Variants in PRDM5 observed in about 807,000 individuals in gnomAD.
The protein encoded by PRDM5 is PR domain zinc finger protein 5.
Under a neutral mutation model 81.2 loss-of-function variants are expected in PRDM5, and 56 were observed. The ratio of observed to expected loss-of-function variants is 0.69; its 90% CI spans 0.56 to 0.86. The LOEUF is 0.86. Ranked by LOEUF, PRDM5 falls within the 40% of genes least tolerant of loss-of-function variation. PRDM5 has a pLI of 0.00. For missense variants in PRDM5, 697 were observed against 770.1 expected (o/e 0.91, Z 1.12); for synonymous variants, 267 against 256.4 (o/e 1.04, Z -0.39).
intron 2 of PRDM5, among the ~76,000 whole-genome samples, chr4:120,893,702 A>G (rs72680476): frequency 0.074 from 11,316 of 152,204 alleles, 548 homozygotes; most frequent in Middle Eastern, 0.19. Context: ...TACCATTAGG[A>G]TTATTCATTC....
chr4:120,771,147 C>T (rs914306261), intron 13 of PRDM5, among the ~76,000 whole-genome samples: 2 of 151,790 alleles, frequency 1.3e-5, no homozygotes, highest in African/African-American at 4.8e-5. Flanking sequence ...GGATCTTTTC[C>T]AATTTTTTGC....
intron 1 of PRDM5, among the ~76,000 whole-genome samples, chr4:120,913,661 C>G (rs906842830): frequency 6.6e-6 from 1 of 152,210 alleles, no homozygotes; most frequent in Non-Finnish European, 1.5e-5. Context: ...ACAACTACTA[C>G]TAGCATCTGT....
chr4:120,794,874 C>T (rs1443942290), intron 10 of PRDM5, among the ~76,000 whole-genome samples: 1 of 152,146 alleles, frequency 6.6e-6, no homozygotes, highest in Admixed American at 6.5e-5. Flanking sequence ...GATCCACCCA[C>T]CTCATCCTCC....
At chr4:120,886,627 C>G (rs886645900) in intron 2 of PRDM5, among the ~76,000 whole-genome samples, 1 of 151,880 alleles carries the variant, frequency 6.6e-6, no homozygotes, top group Admixed American at 6.6e-5. Flanking sequence ...TTTTTAAGAA[C>G]GCCAATGGTA....
chr4:120,781,299 C>G lies in PRDM5; in HGVS notation c.1287G>C (p.Glu429Asp). The G allele has an allele frequency of 1.2e-6, 2 of 1,612,540 alleles. No individual in the cohort carries two copies. The highest frequency in any genetic ancestry group is 1.7e-6 in the Non-Finnish European group (2 of 1,178,954). The change falls in exon 12 of 16, where the codon GAG becomes GAC. Residue 429 changes from glutamate to aspartate, a missense_variant. This residue lies in a region of PRDM5 where 577 missense variants were observed against 606.7 expected (regional missense o/e 0.95). Transcript: ENST00000264808. The part of the protein sequence containing the change: ...LQRHLLIHNS[E>D]RTFKCHHCDA... ...CGCAGTGATGGCACTTGAAAGTCCT[C>G]TCACCTTAGAAACAAAGAGAAACAT...
intron 2 of PRDM5, among the ~76,000 whole-genome samples, chr4:120,878,590 T>C (rs770307079): frequency 6.6e-6 from 1 of 152,144 alleles, no homozygotes; most frequent in Admixed American, 6.5e-5. Context: ...AATTAAAAAT[T>C]TGTGCTCTGT....
At chr4:120,914,940 G>C (rs1723941781) in intron 1 of PRDM5, among the ~76,000 whole-genome samples, 1 of 152,056 alleles carries the variant, frequency 6.6e-6, no homozygotes, top group Admixed American at 6.6e-5. Context: ...CTTACAAATG[G>C]GAGCTAAGCT....
intron 8 of PRDM5, among the ~76,000 whole-genome samples, chr4:120,803,397 A>G (rs1395918664): frequency 6.6e-6 from 1 of 152,178 alleles, no homozygotes; most frequent in Non-Finnish European, 1.5e-5. Flanking sequence ...TCCAAGACAC[A>G]TAATCGTAAG....
At chr4:120,807,379 A>G (rs1258341042) in intron 8 of PRDM5, among the ~76,000 whole-genome samples, 1 of 152,268 alleles carries the variant, frequency 6.6e-6, no homozygotes, top group Non-Finnish European at 1.5e-5. Context: ...CCAAAGGAAT[A>G]TAAATCATGC....
chr4:120,723,009 G>A (rs1738858736), intron 14 of PRDM5, among the ~76,000 whole-genome samples: 1 of 152,092 alleles, frequency 6.6e-6, no homozygotes. Context: ...ATCTTTTAAG[G>A]CCCTTTCAGT....
chr4:120,739,092 T>C (rs1458936669), intron 14 of PRDM5, among the ~76,000 whole-genome samples: 4 of 152,216 alleles, frequency 2.6e-5, no homozygotes, highest in African/African-American at 9.6e-5. Flanking sequence ...ACACGTTAGC[T>C]ATTATGTGGC....
intron 8 of PRDM5, 126 bp downstream of exon 8, chr4:120,811,244 T>C (rs1335879986): frequency 5.4e-6 from 3 of 551,446 alleles, no homozygotes; most frequent in African/African-American, 3.9e-5. Context: ...GAGTTAATAA[T>C]TGCCATTGAT....
intron 3 of PRDM5, among the ~76,000 whole-genome samples, chr4:120,848,952 G>A (rs1758955992): frequency 6.6e-6 from 1 of 151,938 alleles, no homozygotes; most frequent in Non-Finnish European, 1.5e-5. Context: ...AAAATCACTA[G>A]ACAGCTGTAC....
chr4:120,921,000 T>C (rs1724839946), intron 1 of PRDM5, among the ~76,000 whole-genome samples: 1 of 152,234 alleles, frequency 6.6e-6, no homozygotes, highest in African/African-American at 2.4e-5. Flanking sequence ...GGCCAGCTGT[T>C]TCTAAAAATC....
intron 14 of PRDM5, 103 bp from the exon 15 acceptor site, chr4:120,710,516 A>G: frequency 2.2e-6 from 2 of 905,710 alleles, no homozygotes; most frequent in Non-Finnish European, 3.6e-6. Context: ...ATACTGCAGC[A>G]AATTTACAGG....
chr4:120,917,438 T>C (rs1000737453), intron 1 of PRDM5, among the ~76,000 whole-genome samples: 1 of 152,200 alleles, frequency 6.6e-6, no homozygotes, highest in Admixed American at 6.5e-5. Context: ...TTTTCTATAA[T>C]TCTTATAATA....
chr4:120,860,104 C>T (rs1342632978), intron 2 of PRDM5, among the ~76,000 whole-genome samples: 1 of 152,190 alleles, frequency 6.6e-6, no homozygotes, highest in Non-Finnish European at 1.5e-5. Context: ...TCTCATGATA[C>T]TGTCAAAGAC....
In PRDM5 at chr4:120,758,674, A is replaced by G. The variant is rs928124741; in HGVS notation, c.1538-4036T>C. Among the ~76,000 whole-genome samples, 9 of 152,208 alleles carry G rather than the reference A, an allele frequency of 5.9e-5. No individual in the cohort carries two copies. The South Asian group carries it at 1.9e-3, about 32-fold the overall frequency. On this transcript the variant is annotated intron_variant, in intron 13 of 15. Transcript: ENST00000264808. Reference sequence around the variant, plus strand: ...CTCAGACTTACAGCCTCCAGAACTGAGAGGTGACACAGTTTTATAGTTTAA... The same window carrying G: ...CTCAGACTTACAGCCTCCAGAACTGGGAGGTGACACAGTTTTATAGTTTAA...
chr4:120,798,525 T>C, intron 9 of PRDM5, 101 bp from the exon 10 acceptor site: 1 of 1,079,038 alleles, frequency 9.3e-7, no homozygotes, highest in Non-Finnish European at 1.3e-6. Context: ...GTAAGAAAAC[T>C]AAAGGATGGT....
Sources: gnomAD v4.1 joint callset for allele counts (sites outside exome capture counted in the v4.1 genomes callset) on GRCh38, gnomAD v4.1.1 for gene constraint, gnomAD v4.1.1 regional missense constraint, MANE v1.5 for transcripts, NCBI Gene and HGNC (gene_info 2026-07-23, HGNC 2026-07-21) for gene names.